RILPL1: variants seen among roughly 807,000 people sequenced by gnomAD.
RILPL1 encodes the protein Rab interacting lysosomal protein like 1.
RILPL1 carries 33 observed loss-of-function variants against 50.3 expected under a neutral mutation model. The observed-to-expected ratio is 0.66, with a 90% CI of 0.50 to 0.88. The LOEUF is 0.88. Among genes scored for constraint, RILPL1 ranks in the 40% least tolerant of loss-of-function variants. The probability of loss-of-function intolerance (pLI) is 0.00; values close to 1 mark genes in which losing one functional copy is unlikely to be tolerated. For missense variants in RILPL1, 418 were observed against 542.5 expected, an observed-to-expected ratio of 0.77 and a Z score of 2.28; for synonymous variants, 205 against 228.6, an observed-to-expected ratio of 0.90 and a Z score of 0.93.
At chr12:123,504,886 T>C (rs571645170) in intron 2 of RILPL1, among the ~76,000 whole-genome samples, 1 of 152,204 alleles carries the variant, frequency 6.6e-6, no homozygotes, top group East Asian at 1.9e-4. Flanking sequence ...GGGCACGAGA[T>C]GCAAAAGGCT....
chr12:123,529,989 G>C (rs776746958), intron 1 of RILPL1, among the ~76,000 whole-genome samples: 1 of 152,062 alleles, frequency 6.6e-6, no homozygotes, highest in East Asian at 1.9e-4. Flanking sequence ...ACATGTGGCT[G>C]GTCTGAGTGG....
rs1882093899 is a variant in RILPL1 at position 123,482,941 on chromosome 12, T to C, written c.1067+1239A>G. Reference sequence around the variant, plus strand: ...TTTCTAAGAGGAGAGGGCCCAGCAGTGACAAACCTGCACGGCTCTGCATTG... The same window carrying C: ...TTTCTAAGAGGAGAGGGCCCAGCAGCGACAAACCTGCACGGCTCTGCATTG... On this transcript the variant is annotated intron_variant, in intron 6 of 6. Coordinates refer to ENST00000376874, the MANE Select transcript of RILPL1 (RefSeq NM_178314.5). 3.3e-5 allele frequency among the ~76,000 whole-genome samples: 5 copies of C among 152,022 alleles called. No individual in the cohort carries two copies. The South Asian group carries it at 1.0e-3, about 32-fold the overall frequency.
chr12:123,525,576 C>G (rs922798653), intron 1 of RILPL1, among the ~76,000 whole-genome samples: 1 of 151,230 alleles, frequency 6.6e-6, no homozygotes, highest in African/African-American at 2.4e-5. Context: ...TGGCAGACAC[C>G]TGTAATCCCA....
chr12:123,480,976 T>C (rs1566114265), intron 6 of RILPL1, among the ~76,000 whole-genome samples: 2 of 152,328 alleles, frequency 1.3e-5, no homozygotes, highest in East Asian at 3.9e-4. Context: ...GATAGTCATG[T>C]GACCCAGCTG....
At chr12:123,495,756 C>T (rs1288889895) in intron 4 of RILPL1, among the ~76,000 whole-genome samples, 2 of 146,226 alleles carry the variant, frequency 1.4e-5, no homozygotes, top group African/African-American at 2.5e-5. Flanking sequence ...TCTCAGCTAA[C>T]GGCAACCTCC....
At chr12:123,505,103 C>T (rs888201067) in intron 2 of RILPL1, among the ~76,000 whole-genome samples, 3 of 152,112 alleles carry the variant, frequency 2.0e-5, no homozygotes, top group African/African-American at 4.8e-5. Context: ...TGCAGTGGCA[C>T]GATCTTGGCT....
intron 6 of RILPL1, among the ~76,000 whole-genome samples, chr12:123,480,806 C>T (rs1465334110): frequency 2.6e-5 from 4 of 152,132 alleles, no homozygotes; most frequent in Non-Finnish European, 4.4e-5. Flanking sequence ...GTGGGCACCC[C>T]GTATTTCTGT....
At chr12:123,525,663 T>C (rs1212718996) in intron 1 of RILPL1, among the ~76,000 whole-genome samples, 1 of 131,808 alleles carries the variant, frequency 7.6e-6, no homozygotes, top group Non-Finnish European at 1.5e-5. Context: ...ATTGTACCAC[T>C]GCACTCCAGC....
chr12:123,510,993 CTGTG>C lies in RILPL1; in HGVS notation c.461-11461_461-11458del, dbSNP rs565116105. 2.2e-3 allele frequency among the ~76,000 whole-genome samples: 180 copies of C among 82,826 alleles called. 1 individual carries two copies. Among genetic ancestry groups the C allele is most frequent in the Middle Eastern group, 0.011 (1 of 88 alleles). The allele number at this position is 82,826 out of a possible 152,430, so 54.3% of individuals were successfully genotyped here. ...TGTGTGTGTGTGGTGTGTGTGAGGTCTGTGTGTGTGGTGTGTGCAGTGTGAGTGT... is the reference window on the plus strand; with the variant it reads ...TGTGTGTGTGTGGTGTGTGTGAGGTCTGTGTGGTGTGTGCAGTGTGAGTGT... On this transcript the variant is annotated intron_variant, in intron 2 of 6. Coordinates refer to ENST00000376874, the MANE Select transcript of RILPL1 (RefSeq NM_178314.5).
At chr12:123,528,529 G>A (rs1885339724) in intron 1 of RILPL1, among the ~76,000 whole-genome samples, 1 of 151,022 alleles carries the variant, frequency 6.6e-6, no homozygotes, top group Non-Finnish European at 1.5e-5. Context: ...CCGGGTTCAT[G>A]CCATTCTCCT....
intron 1 of RILPL1, among the ~76,000 whole-genome samples, chr12:123,529,571 C>A (rs1036074218): frequency 1.0e-4 from 14 of 135,642 alleles, no homozygotes; most frequent in Admixed American, 4.9e-4. Flanking sequence ...AACACTGTGC[C>A]CAGCCTGAAT....
intron 2 of RILPL1, among the ~76,000 whole-genome samples, chr12:123,517,786 G>A (rs898776335): frequency 7.2e-5 from 11 of 152,114 alleles, no homozygotes; most frequent in African/African-American, 2.7e-4. Context: ...ACTTGAAATG[G>A]GGCCTCTCCA....
chr12:123,518,473 C>G, intron 2 of RILPL1: 1 of 208,502 alleles, frequency 4.8e-6, no homozygotes, highest in South Asian at 4.8e-5. Flanking sequence ...CGCCACTGCA[C>G]TCCAGCGTTG....
intron 6 of RILPL1, among the ~76,000 whole-genome samples, chr12:123,483,744 T>C (rs1882143322): frequency 6.6e-6 from 1 of 152,134 alleles, no homozygotes; most frequent in Admixed American, 6.5e-5. Flanking sequence ...GACAGAGGGC[T>C]ACATGGATGA....
intron 5 of RILPL1, among the ~76,000 whole-genome samples, chr12:123,484,650 C>CTTTT (rs61080090): frequency 2.7e-5 from 3 of 110,144 alleles, no homozygotes; most frequent in Non-Finnish European, 5.4e-5. Flanking sequence ...ACTCTCCCAT[C>CTTTT]TTTTTTTTTT....
At chr12:123,531,722 T>G (rs1293680623) in intron 1 of RILPL1, among the ~76,000 whole-genome samples, 1 of 152,224 alleles carries the variant, frequency 6.6e-6, no homozygotes, top group Non-Finnish European at 1.5e-5. Flanking sequence ...CATCACATTC[T>G]AATGGGGGTA....
intron 2 of RILPL1, among the ~76,000 whole-genome samples, chr12:123,502,832 A>C (rs1883482173): frequency 2.0e-5 from 3 of 152,202 alleles, no homozygotes. Context: ...AATGAACCTG[A>C]AATCAAGGTA....
In RILPL1 at chr12:123,507,382, G is replaced by A. The variant is rs187874869; in HGVS notation, c.461-7846C>T. 2.6e-3 allele frequency among the ~76,000 whole-genome samples: 400 copies of A among 151,964 alleles called. 1 individual carries two copies. Among genetic ancestry groups the A allele is most frequent in the Non-Finnish European group, 4.5e-3 (309 of 67,962 alleles). ...GTTCGAGACCAGCCACTGCAATACAGGGAGACCTCGTCTCTACAAAAAATT... is the reference window on the plus strand; with the variant it reads ...GTTCGAGACCAGCCACTGCAATACAAGGAGACCTCGTCTCTACAAAAAATT... On this transcript the variant is annotated intron_variant, in intron 2 of 6. Transcript: ENST00000376874.
chr12:123,480,634 T>C (rs1881908362), intron 6 of RILPL1, among the ~76,000 whole-genome samples: 1 of 151,962 alleles, frequency 6.6e-6, no homozygotes, highest in Admixed American at 6.6e-5. Flanking sequence ...ACAAGATAGA[T>C]TCTGCTCATC....
Sources: gnomAD v4.1 joint callset for allele counts (sites outside exome capture counted in the v4.1 genomes callset) on GRCh38, gnomAD v4.1.1 for gene constraint, MANE v1.5 for transcripts, NCBI Gene and HGNC (gene_info 2026-07-23, HGNC 2026-07-21) for gene names.